Variants in CD22 observed in about 807,000 individuals in gnomAD.
CD22 encodes CD22 molecule.
CD22 carries 51 observed loss-of-function variants against 94.7 expected under a neutral mutation model. The observed-to-expected ratio is 0.54, with a 90% confidence interval of 0.43 to 0.68. The LOEUF (loss-of-function observed/expected upper bound fraction) is 0.68, where lower values mean the gene tolerates loss of function less well. CD22 is among the 30% of genes least tolerant of loss of function. The probability of loss-of-function intolerance (pLI) is 0.00; values close to 1 mark genes in which losing one functional copy is unlikely to be tolerated. For missense variants in CD22, 931 were observed against 1,060.4 expected, an observed-to-expected ratio of 0.88 and a Z score of 1.69; for synonymous variants, 424 against 422.5, an observed-to-expected ratio of 1.00 and a Z score of -0.04.
chr19:35,336,246 C>T lies in CD22; in HGVS notation c.623C>T (p.Pro208Leu). 6.2e-7 allele frequency: 1 copy of T among 1,614,248 alleles called. No individual in the cohort carries two copies. The highest frequency in any genetic ancestry group is 8.5e-7 in the Non-Finnish European group (1 of 1,180,048). ...VFTRSELKFS[P>L]QWSHHGKIVT... is the part of the protein sequence containing the mutation. Reference sequence around the variant, plus strand: ...ACCCGGAGCGAGCTCAAGTTCTCCCCACAGTGGAGTCACCATGGGAAGATT... The same window carrying T: ...ACCCGGAGCGAGCTCAAGTTCTCCCTACAGTGGAGTCACCATGGGAAGATT... Residue 208 changes from proline (P) to leucine (L), a missense_variant, in exon 4 of 14, where the codon CCA becomes CTA. Physicochemically the swap from Pro to Leu is moderately conservative, Grantham distance 98. Transcript: ENST00000085219.
rs770679399 is a variant in CD22 at position 35,336,029 on chromosome 19, T to C, written c.413-7T>C. 3.1e-6 allele frequency: 5 copies of C among 1,611,216 alleles called. No individual in the cohort carries two copies. The Admixed American group carries it at 8.4e-5, about 27-fold the overall frequency. On this transcript the variant is annotated splice_polypyrimidine_tract_variant and splice_region_variant and intron_variant, in intron 3 of 13. Transcript: ENST00000085219. ...CAGGCTCCTGCACGGGCTCTGTTCT[T>C]TTGCAGAAAGGCCTTTTCCACCTCA...
chr19:35,331,882 G>A lies in CD22; in HGVS notation c.-22-137G>A, dbSNP rs112616314. 2.4e-5 allele frequency: 37 copies of A among 1,526,432 alleles called. No individual in the cohort carries two copies. In the African/African-American group the frequency reaches 4.0e-4, roughly 17 times the overall value. The allele number at this position is 1,526,432 out of a possible 1,614,324, so 94.6% of individuals were successfully genotyped here. On this transcript the variant is annotated intron_variant, in intron 1 of 13. Coordinates refer to ENST00000085219, the MANE Select transcript of CD22 (RefSeq NM_001771.4). ...AAAGAACTCCGTGAGCATCCCAAAT[G>A]CCACATCCCCATAATGCAACCAGAC...
intron 2 of CD22, 125 bp from the exon 3 acceptor site, chr19:35,332,422 G>A (rs1375433938): frequency 9.5e-7 from 1 of 1,057,728 alleles, no homozygotes; most frequent in African/African-American, 1.6e-5. Context: ...GGCCAGCTTG[G>A]ACAACATAGC....
Position 35,347,320 on chromosome 19 carries a change from C to T in CD22, c.*623C>T, listed in dbSNP as rs2066922311. On this transcript the variant is annotated 3_prime_UTR_variant, in exon 14 of 14. Transcript: ENST00000085219. The stretch of plus-strand genomic sequence containing the variant: ...GGTGTGGATTAACCTGCCAGGGAGA[C>T]AGAGCTCACAATAAAAATGGCTCAG... The T allele has an allele frequency of 6.6e-6, 1 of 152,264 alleles. No homozygotes were observed. Among genetic ancestry groups the T allele is most frequent in the African/African-American group, 2.4e-5 (1 of 41,416 alleles). The allele number at this position is 152,264 out of a possible 1,614,324, so 9.4% of individuals were successfully genotyped here. A position where few individuals can be genotyped will look rare whatever the true frequency, so the allele number is the denominator to read the frequency against.
chr19:35,341,192 G>A lies in CD22; in HGVS notation c.1507+54G>A. 1 of 1,610,490 alleles carries A rather than the reference G, an allele frequency of 6.2e-7. No individual in the cohort carries two copies. Among genetic ancestry groups the A allele is most frequent in the Non-Finnish European group, 8.5e-7 (1 of 1,177,256 alleles). On this transcript the variant is annotated intron_variant, in intron 7 of 13. Transcript: ENST00000085219. The surrounding 1 kb of genome is among the most constrained non-coding windows in gnomAD (Gnocchi z 4.0). ...TGGGAGGTGGCCCGGCTGGGATGAG[G>A]GGATGAAGGCAACGAGGCCGGAGCC...
intron 3 of CD22, 34 bp downstream of exon 3, chr19:35,332,958 G>A: frequency 6.3e-7 from 1 of 1,593,102 alleles, no homozygotes; most frequent in Non-Finnish European, 8.6e-7. Context: ...CTCTGCTCTG[G>A]GCAGGGGTGA....
chr19:35,341,226 T>A lies in CD22; in HGVS notation c.1507+88T>A. 1 of 1,601,060 alleles carries A rather than the reference T, an allele frequency of 6.2e-7. No homozygotes were observed. The highest frequency in any genetic ancestry group is 8.5e-7 in the Non-Finnish European group (1 of 1,171,602). Reference sequence around the variant, plus strand: ...GCAACGAGGCCGGAGCCTGGGCCAGTGTCTTCAACAGAATTGAGGGACAGG... The same window carrying A: ...GCAACGAGGCCGGAGCCTGGGCCAGAGTCTTCAACAGAATTGAGGGACAGG... On this transcript the variant is annotated intron_variant, in intron 7 of 13. Coordinates refer to ENST00000085219, the MANE Select transcript of CD22 (RefSeq NM_001771.4). This position sits in a 1 kb window ranked among gnomAD's most constrained non-coding sequence, Gnocchi z 4.0.
intron 1 of CD22, 174 bp from the exon 2 acceptor site, chr19:35,331,845 T>C: frequency 7.5e-7 from 1 of 1,338,440 alleles, no homozygotes; most frequent in Non-Finnish European, 9.9e-7. Context: ...AGACTCTGTC[T>C]CAAAAAAAAA....
intron 9 of CD22, among the ~76,000 whole-genome samples, chr19:35,343,092 C>T (rs544137523): frequency 6.6e-6 from 1 of 151,138 alleles, no homozygotes; most frequent in South Asian, 2.1e-4. Flanking sequence ...GCCACCGCAC[C>T]CGGCTGATTT....
chr19:35,335,922 G>A (rs891323465), intron 3 of CD22, 114 bp from the exon 4 acceptor site: 12 of 785,340 alleles, frequency 1.5e-5, no homozygotes, highest in African/African-American at 8.6e-5. Flanking sequence ...GAGAGAGGTG[G>A]AATGAAGTGG....
At chr19:35,346,539 A>G (rs760068358) in intron 13 of CD22, 27 bp from the exon 14 acceptor site, 3 of 1,585,536 alleles carry the variant, frequency 1.9e-6, no homozygotes, top group Admixed American at 1.8e-5. Context: ...CAGTGGGGCC[A>G]GGCTAACCAC....
chr19:35,345,684 C>T lies in CD22; in HGVS notation c.2291C>T (p.Thr764Ile), dbSNP rs1205921903. Residue 764 changes from threonine (T) to isoleucine (I), a missense_variant, in exon 12 of 14, where the codon ACC becomes ATC. Transcript: ENST00000085219. ...PMMEDGISYT[T>I]LRFPEMNIPR... ...ATGGAAGATGGCATTAGCTACACCACCCTGCGCTTTCCCGAGATGAACATA... is the reference window on the plus strand; with the variant it reads ...ATGGAAGATGGCATTAGCTACACCATCCTGCGCTTTCCCGAGATGAACATA... The T allele has an allele frequency of 6.2e-7, 1 of 1,613,582 alleles. No individual in the cohort carries two copies. The highest frequency in any genetic ancestry group is 1.3e-5 in the African/African-American group (1 of 74,904).
Position 35,337,733 on chromosome 19 carries a change from G to T in CD22, c.719-22G>T. On this transcript the variant is annotated intron_variant, in intron 4 of 13. Transcript: ENST00000085219. This position sits in a 1 kb window ranked among gnomAD's most constrained non-coding sequence, Gnocchi z 4.4. ...TCTGAGGATTCCCCGCCCCCTCCCC[G>T]ACTGCCCCTCTGCTCCTCCAGACAC... The T allele has an allele frequency of 6.4e-7, 1 of 1,560,312 alleles. No individual in the cohort carries two copies. The highest frequency in any genetic ancestry group is 1.2e-5 in the South Asian group (1 of 85,534).
intron 3 of CD22, among the ~76,000 whole-genome samples, chr19:35,335,799 G>A (rs1020210218): frequency 2.6e-5 from 4 of 151,962 alleles, no homozygotes; most frequent in Admixed American, 1.3e-4. Context: ...AGGTTACAGC[G>A]AGCCAAGATC....
chr19:35,336,455 T>G, intron 4 of CD22, 114 bp downstream of exon 4: 1 of 979,118 alleles, frequency 1.0e-6, no homozygotes, highest in Non-Finnish European at 1.5e-6. Context: ...GGCGGCATCC[T>G]CCAGCCCTGG....
Position 35,341,306 on chromosome 19 carries a change from G to A in CD22, c.1508-37G>A, listed in dbSNP as rs773804962. ...GGCCTGGGGACAGCAAAAGGGACAG[G>A]GAGCGGAGAGGTCAGCTTGGGACCC... On this transcript the variant is annotated intron_variant, in intron 7 of 13. Transcript: ENST00000085219. This position sits in a 1 kb window ranked among gnomAD's most constrained non-coding sequence, Gnocchi z 4.0. 1 of 1,606,488 alleles carries A rather than the reference G, an allele frequency of 6.2e-7. No homozygotes were observed. The highest frequency in any genetic ancestry group is 8.5e-7 in the Non-Finnish European group (1 of 1,175,106).
At chr19:35,345,929 C>T (rs540719085) in intron 12 of CD22, among the ~76,000 whole-genome samples, 16 of 152,204 alleles carry the variant, frequency 1.1e-4, no homozygotes, top group Non-Finnish European at 2.1e-4. Flanking sequence ...ATGCCCAGTC[C>T]GTTCTTATCA....
At chr19:35,336,370 G>A in intron 4 of CD22, 29 bp downstream of exon 4, 1 of 1,604,596 alleles carries the variant, frequency 6.2e-7, no homozygotes, top group South Asian at 1.1e-5. Context: ...CCTGTGGGAA[G>A]GGCAAGGTCT....
chr19:35,346,800 GCACACACACACACACACGCACACACACA>G lies in CD22; in HGVS notation c.*113_*140del. On this transcript the variant is annotated 3_prime_UTR_variant, in exon 14 of 14. Coordinates refer to ENST00000085219, the MANE Select transcript of CD22 (RefSeq NM_001771.4). ...ATGGCTTCCTCCTGCGCGCATGTGC[GCACACACACACACACACGCACACACACA>G]CACACACACTCACTGCGGAGAACCT... The G allele has an allele frequency of 1.1e-6, 1 of 907,862 alleles. No individual in the cohort carries two copies. Among genetic ancestry groups the G allele is most frequent in the Non-Finnish European group, 1.6e-6 (1 of 618,494 alleles). 56.2% of individuals were successfully genotyped at this position (907,862 alleles called of 1,614,324 possible). A position where few individuals can be genotyped will look rare whatever the true frequency, so the allele number is the denominator to read the frequency against.
Sources: allele counts gnomAD v4.1 joint callset (sites outside exome capture counted in the v4.1 genomes callset), GRCh38; gene constraint gnomAD v4.1.1; non-coding constraint Gnocchi (gnomAD v3.1); transcripts MANE v1.5; gene names NCBI Gene and HGNC (gene_info 2026-07-23, HGNC 2026-07-21).